The following MARCHF1 variants were observed in gnomAD, a reference collection of about 807,000 sequenced individuals.
MARCHF1 encodes E3 ubiquitin-protein ligase MARCHF1.
Under a neutral mutation model 54.2 loss-of-function variants are expected in MARCHF1, and 40 were observed. The ratio of observed to expected loss-of-function variants is 0.74; its 90% CI spans 0.57 to 0.96. The LOEUF (loss-of-function observed/expected upper bound fraction) is 0.96. Among genes scored for constraint, MARCHF1 ranks in the 40% least tolerant of loss-of-function variants. The probability of loss-of-function intolerance (pLI) is 0.00; values close to 1 mark genes in which losing one functional copy is unlikely to be tolerated. For synonymous variants in MARCHF1, 236 were observed against 236.3 expected (o/e 1.00, Z 0.01); for missense variants, 586 against 656.5 (o/e 0.89, Z 1.17).
rs146934551 is a variant in MARCHF1, at chr4:164,380,902, G to T, written c.-323+2968C>A. 3.2e-3 allele frequency among the ~76,000 whole-genome samples: 480 copies of T among 152,258 alleles called. 3 individuals are homozygous for T. The highest frequency in any genetic ancestry group is 0.011 in the African/African-American group (448 of 41,558). ...AGAATTTGAATTACACCATGAAAAA[G>T]CCCAGAAGACAACCTCTTCATTGAG... On this transcript the variant is annotated intron_variant, in intron 1 of 9. Transcript: ENST00000514618.
chr4:164,101,730 T>C (rs1358579632), intron 2 of MARCHF1, among the ~76,000 whole-genome samples: 3 of 141,558 alleles, frequency 2.1e-5, no homozygotes, highest in African/African-American at 7.7e-5. Context: ...AGGAACGCAG[T>C]TCCTCACCAG....
intron 2 of MARCHF1, among the ~76,000 whole-genome samples, chr4:164,044,195 C>T (rs745468108): frequency 5.9e-5 from 9 of 152,176 alleles, no homozygotes; most frequent in Non-Finnish European, 8.8e-5. Context: ...CAGTGCCCCA[C>T]ACATAGTACC....
At chr4:164,114,867 G>A (rs890533039) in intron 1 of MARCHF1, among the ~76,000 whole-genome samples, 12 of 149,914 alleles carry the variant, frequency 8.0e-5, no homozygotes, top group South Asian at 2.1e-4. Flanking sequence ...AGTACAAATC[G>A]TCACTGATGG....
At chr4:163,747,661 A>C (rs114621843) in intron 4 of MARCHF1, among the ~76,000 whole-genome samples, 2,404 of 152,350 alleles carry the variant, frequency 0.016, 68 homozygotes, top group African/African-American at 0.055. Flanking sequence ...TAGAGCTAAA[A>C]TAACATAACA....
In MARCHF1 at chr4:164,033,243, C is replaced by T. The variant is rs1753916997; in HGVS notation, c.-247-44534G>A. Among the ~76,000 whole-genome samples the T allele has an allele frequency of 2.0e-5, 3 of 151,094 alleles. No individual in the cohort carries two copies. The South Asian group carries it at 6.2e-4, about 31-fold the overall frequency. ...CCATTTGCAGACAACTAAAATTGGA[C>T]CCCTTCCCTATACCTTATACAAAAA... is the stretch of plus-strand genomic sequence containing the variant. On this transcript the variant is annotated intron_variant, in intron 2 of 9. Transcript: ENST00000514618.
intron 4 of MARCHF1, among the ~76,000 whole-genome samples, chr4:163,728,182 T>C (rs548073941): frequency 1.3e-5 from 2 of 152,344 alleles, no homozygotes; most frequent in Admixed American, 1.3e-4. Context: ...GGTTTTACCA[T>C]GTTGCACAGG....
At chr4:164,273,229 G>T (rs1403463802) in intron 1 of MARCHF1, among the ~76,000 whole-genome samples, 1 of 152,018 alleles carries the variant, frequency 6.6e-6, no homozygotes, top group Non-Finnish European at 1.5e-5. Context: ...GAAGACAAAG[G>T]GGAAGCAAGG....
chr4:163,902,238 T>A (rs1250514295), intron 3 of MARCHF1, among the ~76,000 whole-genome samples: 2 of 152,184 alleles, frequency 1.3e-5, no homozygotes, highest in Non-Finnish European at 2.9e-5. Flanking sequence ...CTCAATTAGC[T>A]GTAGCAGCTG....
chr4:163,940,717 T>C (rs979299489), intron 3 of MARCHF1, among the ~76,000 whole-genome samples: 1 of 152,172 alleles, frequency 6.6e-6, no homozygotes, highest in Admixed American at 6.5e-5. Flanking sequence ...ATGGAACTTA[T>C]GAATCAGCAT....
At chr4:164,169,128 A>G (rs140269883) in intron 1 of MARCHF1, among the ~76,000 whole-genome samples, 371 of 152,226 alleles carry the variant, frequency 2.4e-3, no homozygotes, top group Middle Eastern at 6.8e-3. Flanking sequence ...GAGATAATAG[A>G]TATGTTCATC....
intron 3 of MARCHF1, among the ~76,000 whole-genome samples, chr4:163,882,353 C>T (rs1750435162): frequency 6.6e-6 from 1 of 152,154 alleles, no homozygotes; most frequent in Non-Finnish European, 1.5e-5. Flanking sequence ...AGTCTTTAGA[C>T]AGCCTGAAAT....
chr4:163,905,925 G>T (rs1416792745), intron 3 of MARCHF1, among the ~76,000 whole-genome samples: 1 of 151,938 alleles, frequency 6.6e-6, no homozygotes, highest in Non-Finnish European at 1.5e-5. Flanking sequence ...GATCTTCTAA[G>T]TCACATGGAA....
Position 164,008,236 on chromosome 4 carries a change from T to G in MARCHF1, c.-247-19527A>C, listed in dbSNP as rs1403033175. On this transcript the variant is annotated intron_variant, in intron 2 of 9. Coordinates refer to ENST00000514618, the MANE Select transcript of MARCHF1 (RefSeq NM_001394959.1). ...AAATCTGTTTATAAAAAGAGGAGAATAAGTTCATTACATAATCATAAAAGG... is the reference window on the plus strand; with the variant it reads ...AAATCTGTTTATAAAAAGAGGAGAAGAAGTTCATTACATAATCATAAAAGG... Among the ~76,000 whole-genome samples, 4 of 152,104 alleles carry G rather than the reference T, an allele frequency of 2.6e-5. No individual in the cohort carries two copies. The East Asian group carries it at 7.7e-4, about 29-fold the overall frequency.
intron 3 of MARCHF1, among the ~76,000 whole-genome samples, chr4:163,871,225 G>C (rs1750161806): frequency 6.6e-6 from 1 of 152,140 alleles, no homozygotes. Context: ...GTGAGAGACA[G>C]AGAAGGTATT....
intron 4 of MARCHF1, among the ~76,000 whole-genome samples, chr4:163,716,193 G>A (rs1745250433): frequency 6.6e-6 from 1 of 151,510 alleles, no homozygotes; most frequent in Admixed American, 6.6e-5. Flanking sequence ...ATCTTAATCT[G>A]GTAAATGTAA....
chr4:163,569,573 A>T (rs1739771929), intron 8 of MARCHF1, among the ~76,000 whole-genome samples: 1 of 62,900 alleles, frequency 1.6e-5, no homozygotes, highest in African/African-American at 6.3e-5. Flanking sequence ...CGAACCATCT[A>T]AGGGGGTACA....
At chr4:164,105,378 G>A (rs1169666690) in intron 2 of MARCHF1, among the ~76,000 whole-genome samples, 1 of 151,088 alleles carries the variant, frequency 6.6e-6, no homozygotes, top group East Asian at 1.9e-4. Flanking sequence ...CTACAAGGCT[G>A]CAGTAACAAA....
At chr4:164,379,231 T>C (rs1018893898) in intron 1 of MARCHF1, among the ~76,000 whole-genome samples, 2 of 151,976 alleles carry the variant, frequency 1.3e-5, no homozygotes, top group African/African-American at 4.8e-5. Context: ...ATACAATAAT[T>C]ACAGTAATAA....
At chr4:164,151,618 A>G (rs556660776) in intron 1 of MARCHF1, among the ~76,000 whole-genome samples, 1 of 152,250 alleles carries the variant, frequency 6.6e-6, no homozygotes, top group East Asian at 1.9e-4. Flanking sequence ...CAGCTCCATC[A>G]TCTTCCCCAA....
Sources: gnomAD v4.1 joint callset for allele counts (sites outside exome capture counted in the v4.1 genomes callset) on GRCh38, gnomAD v4.1.1 for gene constraint, MANE v1.5 for transcripts, NCBI Gene and HGNC (gene_info 2026-07-23, HGNC 2026-07-21) for gene names.